Variants in ACVR2A observed in about 807,000 individuals in gnomAD.
ACVR2A encodes activin A receptor type 2A, also known as activin receptor type-2A.
A neutral mutation model predicts 61.4 loss-of-function variants in ACVR2A; 7 were observed. That is an observed-to-expected ratio of 0.11 (90% CI 0.06 to 0.21). The LOEUF is 0.21. Ranked by LOEUF, ACVR2A falls within the 10% of genes least tolerant of loss-of-function variation. The probability of loss-of-function intolerance (pLI) is 1.00; values close to 1 mark genes in which losing one functional copy is unlikely to be tolerated. For missense variants in ACVR2A, 322 were observed against 621.7 expected (o/e 0.52, Z 5.13); for synonymous variants, 193 against 208.3 (o/e 0.93, Z 0.63).
intron 1 of ACVR2A, among the ~76,000 whole-genome samples, chr2:147,882,001 T>C (rs2105171841): frequency 6.6e-6 from 1 of 152,308 alleles, no homozygotes; most frequent in African/African-American, 2.4e-5. Flanking sequence ...GATGGTTGCT[T>C]GTCTCTTTTA....
In ACVR2A at chr2:147,852,019, A is replaced by AT. The variant is rs575813376; in HGVS notation, c.55+6816dup. Among the ~76,000 whole-genome samples, 8 of 152,160 alleles carry AT rather than the reference A, an allele frequency of 5.3e-5. No homozygotes were observed. The South Asian group carries it at 1.7e-3, about 32-fold the overall frequency. On this transcript the variant is annotated intron_variant, in intron 1 of 10. Transcript: ENST00000241416. ...TTTAAGGTTAGAGTTCAGTGGTGAC[A>AT]TTTTATTAAGAAAAGATGATTTTGC...
chr2:147,861,732 A>G (rs569595960), intron 1 of ACVR2A, among the ~76,000 whole-genome samples: 48 of 152,320 alleles, frequency 3.2e-4, no homozygotes, highest in Non-Finnish European at 5.6e-4. Flanking sequence ...AGCATTTTGG[A>G]TAAGGGATAT....
chr2:147,899,967 A>G, intron 4 of ACVR2A, 69 bp downstream of exon 4: 1 of 1,476,586 alleles, frequency 6.8e-7, no homozygotes, highest in Non-Finnish European at 9.3e-7. Context: ...CTGTGGTGAA[A>G]CCCACTAACT....
At chr2:147,889,225 A>G (rs1426052058) in intron 1 of ACVR2A, among the ~76,000 whole-genome samples, 1 of 152,026 alleles carries the variant, frequency 6.6e-6, no homozygotes, top group African/African-American at 2.4e-5. Context: ...AATTTTGTTG[A>G]GGACTTTTGC....
intron 1 of ACVR2A, among the ~76,000 whole-genome samples, chr2:147,857,705 A>G (rs1486139388): frequency 6.6e-6 from 1 of 152,110 alleles, no homozygotes; most frequent in Non-Finnish European, 1.5e-5. Context: ...TATCATGTGA[A>G]CTTGGGAAAA....
chr2:147,920,154 C>G (rs915511127), intron 7 of ACVR2A, 76 bp from the exon 8 acceptor site: 13 of 933,814 alleles, frequency 1.4e-5, no homozygotes, highest in Admixed American at 6.2e-5. Context: ...ACATATTCCC[C>G]CTTTTCTGCT....
chr2:147,907,986 C>CCGAGACCA (rs545140418), intron 4 of ACVR2A, among the ~76,000 whole-genome samples: 79 of 149,458 alleles, frequency 5.3e-4, no homozygotes, highest in African/African-American at 1.9e-3. Context: ...TTGCAGTGAG[C>CCGAGACCA]CGAGACCATG....
intron 1 of ACVR2A, among the ~76,000 whole-genome samples, chr2:147,862,489 ATC>A (rs958160504): frequency 2.0e-5 from 3 of 152,180 alleles, no homozygotes; most frequent in African/African-American, 7.2e-5. Context: ...CATGCCTGTA[ATC>A]CCAGCACTTT....
rs1387366087 is a variant in ACVR2A at position 147,928,466 on chromosome 2, T to C, written c.*1192T>C. Reference sequence around the variant, plus strand: ...TTGGTGCCATCTTGTCAGAGTAATATTTGATGTCTGTGATATGTAAAGAAT... The same window carrying C: ...TTGGTGCCATCTTGTCAGAGTAATACTTGATGTCTGTGATATGTAAAGAAT... On this transcript the variant is annotated 3_prime_UTR_variant, in exon 11 of 11. Coordinates refer to ENST00000241416, the MANE Select transcript of ACVR2A (RefSeq NM_001616.5). 1 of 152,102 alleles carries C rather than the reference T, an allele frequency of 6.6e-6. No individual in the cohort carries two copies. The highest frequency in any genetic ancestry group is 2.4e-5 in the African/African-American group (1 of 41,308). 9.4% of individuals were successfully genotyped at this position (152,102 alleles called of 1,614,324 possible).
At chr2:147,858,487 G>A (rs1047826924) in intron 1 of ACVR2A, among the ~76,000 whole-genome samples, 6 of 151,974 alleles carry the variant, frequency 3.9e-5, no homozygotes, top group Non-Finnish European at 8.8e-5. Flanking sequence ...TATCTTTTGC[G>A]GTATTGGCCC....
At chr2:147,906,526 A>G (rs901240309) in intron 4 of ACVR2A, among the ~76,000 whole-genome samples, 26 of 152,262 alleles carry the variant, frequency 1.7e-4, no homozygotes, top group African/African-American at 4.8e-4. Context: ...AAAAATGTCT[A>G]TTTCCAGATC....
intron 1 of ACVR2A, among the ~76,000 whole-genome samples, chr2:147,868,554 G>A (rs1375691591): frequency 6.6e-6 from 1 of 151,926 alleles, no homozygotes; most frequent in African/African-American, 2.4e-5. Context: ...AGTATCTGAT[G>A]TGGATAATCT....
intron 4 of ACVR2A, among the ~76,000 whole-genome samples, chr2:147,912,061 G>A (rs539676334): frequency 5.5e-4 from 84 of 152,002 alleles, no homozygotes; most frequent in African/African-American, 1.9e-3. Context: ...GCTATCTGAG[G>A]TTTAAGCGTT....
upstream of ACVR2A, chr2:147,844,716 G>C (rs1157909979): frequency 6.9e-6 from 1 of 145,624 alleles, no homozygotes; most frequent in Non-Finnish European, 1.5e-5. Context: ...GGTCGGTCCG[G>C]ACATCGGACC....
intron 1 of ACVR2A, among the ~76,000 whole-genome samples, chr2:147,882,929 C>T (rs1447186878): frequency 6.6e-6 from 1 of 151,904 alleles, no homozygotes; most frequent in East Asian, 1.9e-4. Context: ...TTGACAGGGC[C>T]TAAAATGTTG....
chr2:147,899,069 A>G (rs1055424943), intron 2 of ACVR2A, among the ~76,000 whole-genome samples: 1 of 152,164 alleles, frequency 6.6e-6, no homozygotes, highest in African/African-American at 2.4e-5. Context: ...TTGTATTCAC[A>G]GAATGGAAAT....
At chr2:147,881,358 TGTCAA>T (rs1204016383) in intron 1 of ACVR2A, among the ~76,000 whole-genome samples, 5 of 152,170 alleles carry the variant, frequency 3.3e-5, no homozygotes, top group Admixed American at 1.3e-4. Flanking sequence ...CCCAAAAAGA[TGTCAA>T]GTCATTTCTT....
chr2:147,862,723 G>A (rs574640927), intron 1 of ACVR2A, among the ~76,000 whole-genome samples: 24 of 150,570 alleles, frequency 1.6e-4, no homozygotes, highest in African/African-American at 5.8e-4. Context: ...CAGCCTGGGT[G>A]ACAGAGCGAG....
chr2:147,905,569 T>G (rs1558809628), intron 4 of ACVR2A, among the ~76,000 whole-genome samples: 1 of 152,058 alleles, frequency 6.6e-6, no homozygotes, highest in African/African-American at 2.4e-5. Context: ...TGTGTGTGTG[T>G]GGGTGTGTGT....
Sources: allele counts gnomAD v4.1 joint callset (sites outside exome capture counted in the v4.1 genomes callset), GRCh38; gene constraint gnomAD v4.1.1; transcripts MANE v1.5; gene names NCBI Gene and HGNC (gene_info 2026-07-23, HGNC 2026-07-21).